LHX8: variants seen among roughly 807,000 people sequenced by gnomAD.
LHX8 encodes the protein LIM/homeobox protein Lhx8.
In LHX8, 12 loss-of-function variants were observed where a neutral mutation model predicts 40.3. That is an observed-to-expected ratio of 0.30 (90% CI 0.19 to 0.48). LHX8 has a LOEUF of 0.48. Ranked by LOEUF, LHX8 falls within the 20% of genes least tolerant of loss-of-function variation. The probability of loss-of-function intolerance (pLI) is 0.99; values close to 1 mark genes in which losing one functional copy is unlikely to be tolerated. For missense variants in LHX8, 344 were observed against 433.7 expected (o/e 0.79, Z 1.84); for synonymous variants, 179 against 162.0 (o/e 1.10, Z -0.80).
the LHX8 span, among the ~76,000 whole-genome samples, chr1:75,192,724 G>A: frequency 1.3e-5 from 2 of 152,088 alleles, no homozygotes; most frequent in South Asian, 2.1e-4. Flanking sequence ...ACAGAGTCTC[G>A]CTGTGTTGCC....
rs1648781734 is a variant in LHX8 at position 75,156,886 on chromosome 1, T to C, written c.781-7T>C. On this transcript the variant is annotated splice_region_variant and splice_polypyrimidine_tract_variant and intron_variant, in intron 7 of 8. Coordinates refer to ENST00000356261, the MANE Select transcript of LHX8 (RefSeq NM_001256114.2). ...TACCTACTTCTGTTGCTTTTCTCCC[T>C]GCTCAGGTGTGGTTTCAGAATTGTA... The C allele has an allele frequency of 6.2e-7, 1 of 1,614,192 alleles. No individual in the cohort carries two copies. Among genetic ancestry groups the C allele is most frequent in the Non-Finnish European group, 8.5e-7 (1 of 1,180,002 alleles).
intron 1 of LHX8, among the ~76,000 whole-genome samples, chr1:75,135,426 G>A (rs1253839393): frequency 1.3e-5 from 2 of 152,248 alleles, no homozygotes; most frequent in African/African-American, 2.4e-5. Flanking sequence ...CCCTTTGTGT[G>A]TGAGGACGCG....
chr1:75,156,014 T>TTA (rs1553134277), intron 7 of LHX8, among the ~76,000 whole-genome samples: 6 of 150,808 alleles, frequency 4.0e-5, no homozygotes, highest in African/African-American at 1.5e-4. Context: ...TTTTTTTTTT[T>TTA]AAGTTCTGAT....
At position 75,136,589 on chromosome 1, in the gene LHX8, C is replaced by T. The variant is rs992390315; in HGVS notation, c.-12-14C>T. ...ATCTGTTTCTCCATACTTTCTCCCC[C>T]TCCTACTCCGCAGTGTCAGGGGCTC... is the stretch of plus-strand genomic sequence containing the variant. On this transcript the variant is annotated splice_polypyrimidine_tract_variant and intron_variant, in intron 1 of 8. Transcript: ENST00000356261. 7.2e-6 allele frequency: 11 copies of T among 1,536,914 alleles called. No homozygotes were observed. The highest frequency in any genetic ancestry group is 5.5e-5 in the African/African-American group (4 of 72,798).
chr1:75,171,896 G>A, the LHX8 span, among the ~76,000 whole-genome samples: 2 of 152,220 alleles, frequency 1.3e-5, no homozygotes, highest in Admixed American at 6.5e-5. Flanking sequence ...GGACAGAATA[G>A]AGTGGCACAG....
At chr1:75,156,811 A>G in intron 7 of LHX8, 82 bp from the exon 8 acceptor site, 3 of 1,265,424 alleles carry the variant, frequency 2.4e-6, no homozygotes, top group East Asian at 2.3e-5. Context: ...TTGAGGTTGC[A>G]TTCATTTTTT....
chr1:75,171,435 T>C, the LHX8 span, among the ~76,000 whole-genome samples: 1 of 151,540 alleles, frequency 6.6e-6, no homozygotes, highest in African/African-American at 2.4e-5. Flanking sequence ...TTATTATTAT[T>C]ATTATTTAGT....
chr1:75,165,279 TC>T (rs1649008410), downstream of LHX8, among the ~76,000 whole-genome samples: 1 of 152,224 alleles, frequency 6.6e-6, no homozygotes, highest in Admixed American at 6.5e-5. Context: ...TTAGGAAGCT[TC>T]AATTAACATA....
intron 6 of LHX8, among the ~76,000 whole-genome samples, chr1:75,145,095 C>T (rs143701058): frequency 2.9e-3 from 444 of 152,132 alleles, no homozygotes; most frequent in African/African-American, 7.6e-3. Context: ...GGCATAAATT[C>T]GATTTCTTAA....
the LHX8 span, among the ~76,000 whole-genome samples, chr1:75,194,559 C>T: frequency 1.3e-5 from 2 of 152,218 alleles, no homozygotes; most frequent in African/African-American, 4.8e-5. Flanking sequence ...TAGCCACCAC[C>T]TGTGCTTTCA....
rs932770730 is a variant in LHX8 at position 75,134,569 on chromosome 1, C to A, written c.-398C>A. ...GAGGGGGGAGATCGGCAGACACGGA[C>A]AGCCTCTGACCCTCTGGAGTTGGTA... On this transcript the variant is annotated 5_prime_UTR_variant, in exon 1 of 9. Coordinates refer to ENST00000356261, the MANE Select transcript of LHX8 (RefSeq NM_001256114.2). Among the ~76,000 whole-genome samples, 5 of 152,106 alleles carry A rather than the reference C, an allele frequency of 3.3e-5. No individual in the cohort carries two copies. Among genetic ancestry groups the A allele is most frequent in the Admixed American group, 6.5e-5 (1 of 15,286 alleles).
rs1648914173 is a variant in LHX8, at chr1:75,161,354, A to G, written c.*459A>G. The G allele has an allele frequency of 5.8e-6, 1 of 172,212 alleles. No individual in the cohort carries two copies. The highest frequency in any genetic ancestry group is 2.4e-5 in the African/African-American group (1 of 41,592). 10.7% of individuals were successfully genotyped at this position (172,212 alleles called of 1,614,324 possible). A position where few individuals can be genotyped will look rare whatever the true frequency, so the allele number is the denominator to read the frequency against. ...TGAAGCTTGTATCTGTGAATTTGCA[A>G]CTGAAATTTATTTTGCCAATGTTTT... On this transcript the variant is annotated 3_prime_UTR_variant, in exon 9 of 9. Transcript: ENST00000356261.
Position 75,141,901 on chromosome 1 carries a change from T to C in LHX8, c.359+795T>C, listed in dbSNP as rs562699923. 2.6e-5 allele frequency among the ~76,000 whole-genome samples: 4 copies of C among 152,284 alleles called. No homozygotes were observed. In the South Asian group the frequency reaches 8.3e-4, roughly 32 times the overall value. On this transcript the variant is annotated intron_variant, in intron 4 of 8. Transcript: ENST00000356261. ...AATAAAGGCTGTAATACTAATTTTGTACTCCATTTCAAAAAATGATTTCAA... is the reference window on the plus strand; with the variant it reads ...AATAAAGGCTGTAATACTAATTTTGCACTCCATTTCAAAAAATGATTTCAA...
chr1:75,157,054 T>G lies in LHX8; in HGVS notation c.942T>G (p.Thr314=), dbSNP rs1257412948. 12 of 1,614,186 alleles carry G rather than the reference T, an allele frequency of 7.4e-6. No homozygotes were observed. The highest frequency in any genetic ancestry group is 8.5e-6 in the Non-Finnish European group (10 of 1,180,016). The part of the protein sequence containing the change: ...AYVPQDGTML[T]ALHSYMDAHS... ...TGCCCCAAGATGGAACGATGTTAAC[T>G]GCGCTGCATAGTTATATGGATGGTA... The change falls in exon 8 of 9, where the codon ACT becomes ACG. Residue 314 remains threonine, a synonymous_variant. Transcript: ENST00000356261.
chr1:75,156,115 C>T (rs947776065), intron 7 of LHX8, among the ~76,000 whole-genome samples: 1 of 151,766 alleles, frequency 6.6e-6, no homozygotes, highest in African/African-American at 2.4e-5. Context: ...CCCTTCCCCA[C>T]CTTTTCTGGG....
At chr1:75,171,869 T>C in the LHX8 span, among the ~76,000 whole-genome samples, 1 of 152,188 alleles carries the variant, frequency 6.6e-6, no homozygotes, top group Non-Finnish European at 1.5e-5. Context: ...GCATGGTAAG[T>C]CTGTGGCTTT....
chr1:75,160,975 C>T lies in LHX8; in HGVS notation c.*80C>T. On this transcript the variant is annotated 3_prime_UTR_variant, in exon 9 of 9. Coordinates refer to ENST00000356261, the MANE Select transcript of LHX8 (RefSeq NM_001256114.2). ...ATAAAATACCATTGAAAAGATATTA[C>T]TGTTAATTTTTTATTTAACACCTAA... The T allele has an allele frequency of 9.1e-7, 1 of 1,096,774 alleles. No individual in the cohort carries two copies. The highest frequency in any genetic ancestry group is 1.4e-6 in the Non-Finnish European group (1 of 717,314). 67.9% of individuals were successfully genotyped at this position (1,096,774 alleles called of 1,614,324 possible).
chr1:75,171,139 G>A, the LHX8 span, among the ~76,000 whole-genome samples: 5 of 152,082 alleles, frequency 3.3e-5, no homozygotes, highest in Non-Finnish European at 5.9e-5. Context: ...GCCCTGGCAG[G>A]TCAAAAAGTT....
chr1:75,153,715 T>C (rs1405294462), intron 7 of LHX8, among the ~76,000 whole-genome samples: 5 of 152,206 alleles, frequency 3.3e-5, no homozygotes, highest in African/African-American at 1.2e-4. Flanking sequence ...GGTCTAGTTT[T>C]GGCCTTTCTT....
Sources: gnomAD v4.1 joint callset for allele counts (sites outside exome capture counted in the v4.1 genomes callset) on GRCh38, gnomAD v4.1.1 for gene constraint, MANE v1.5 for transcripts, NCBI Gene and HGNC (gene_info 2026-07-23, HGNC 2026-07-21) for gene names.